Variants in RPS6KA5 observed in about 807,000 individuals in gnomAD.
RPS6KA5 encodes ribosomal protein S6 kinase alpha-5.
In RPS6KA5, 27 loss-of-function variants were observed where a neutral mutation model predicts 85.5. The ratio of observed to expected loss-of-function variants is 0.32; its 90% confidence interval spans 0.23 to 0.44. The LOEUF is 0.44. Ranked by LOEUF, RPS6KA5 falls within the 20% of genes least tolerant of loss-of-function variation. The pLI is 1.00. For synonymous variants in RPS6KA5, 334 were observed against 348.2 expected, an observed-to-expected ratio of 0.96 and a Z score of 0.46; for missense variants, 811 against 980.9, an observed-to-expected ratio of 0.83 and a Z score of 2.31.
At chr14:90,932,386 T>C (rs2037031847) in intron 5 of RPS6KA5, among the ~76,000 whole-genome samples, 1 of 152,112 alleles carries the variant, frequency 6.6e-6, no homozygotes. Context: ...GTGATCCTCC[T>C]ACCTCGGCCT....
At position 90,865,545 on chromosome 14, in the gene RPS6KA5, T is replaced by C. The variant is rs1046544877; in HGVS notation, c.*6529A>G. On this transcript the variant is annotated 3_prime_UTR_variant, in exon 17 of 17. Transcript: ENST00000614987. ...TGATGGTTATATGGGCGCATATATA[T>C]GTAAACATTTATTGAGCTGTATATT... 8.5e-5 allele frequency: 13 copies of C among 152,258 alleles called. No individual in the cohort carries two copies. Among genetic ancestry groups the C allele is most frequent in the Admixed American group, 5.2e-4 (8 of 15,290 alleles). The allele number at this position is 152,258 out of a possible 1,614,324, so 9.4% of individuals were successfully genotyped here.
At chr14:90,992,618 A>C (rs1282956856) in intron 2 of RPS6KA5, among the ~76,000 whole-genome samples, 4 of 152,194 alleles carry the variant, frequency 2.6e-5, no homozygotes, top group African/African-American at 9.6e-5. Flanking sequence ...TCAAGGTTAC[A>C]CTGGACTCAT....
At position 90,860,187 on chromosome 14, in the gene RPS6KA5, A is replaced by T. The variant is rs189547864; in HGVS notation, c.*11887T>A. 5.3e-5 allele frequency: 8 copies of T among 152,364 alleles called. No individual in the cohort carries two copies. The East Asian group carries it at 1.5e-3, about 29-fold the overall frequency. The allele number at this position is 152,364 out of a possible 1,614,324, so 9.4% of individuals were successfully genotyped here. A position where few individuals can be genotyped will look rare whatever the true frequency, so the allele number is the denominator to read the frequency against. On this transcript the variant is annotated 3_prime_UTR_variant, in exon 17 of 17. Coordinates refer to ENST00000614987, the MANE Select transcript of RPS6KA5 (RefSeq NM_004755.4). Reference sequence around the variant, plus strand: ...AAGACACATTACCTTCAAAGGAAATATAACTAATGGCTTTTTCCACAGAAC... The same window carrying T: ...AAGACACATTACCTTCAAAGGAAATTTAACTAATGGCTTTTTCCACAGAAC...
intron 13 of RPS6KA5, among the ~76,000 whole-genome samples, chr14:90,892,013 TTGA>T (rs923810387): frequency 2.0e-5 from 3 of 151,580 alleles, no homozygotes; most frequent in African/African-American, 7.3e-5. Context: ...TTTTTTTTTT[TTGA>T]GAGAGACAGT....
intron 14 of RPS6KA5, among the ~76,000 whole-genome samples, chr14:90,876,213 G>C (rs2033462185): frequency 6.6e-6 from 1 of 152,146 alleles, no homozygotes; most frequent in Non-Finnish European, 1.5e-5. Flanking sequence ...GCTTCAAAAA[G>C]ATGGTATTGA....
chr14:91,056,342 G>A (rs954792204), intron 1 of RPS6KA5, among the ~76,000 whole-genome samples: 1 of 152,118 alleles, frequency 6.6e-6, no homozygotes, highest in Non-Finnish European at 1.5e-5. Flanking sequence ...CTGGCTTTAG[G>A]TGAATGATCC....
rs2032226096 is a variant in RPS6KA5 at position 90,855,440 on chromosome 14, T to TA, written c.*16633dup. 6.6e-6 allele frequency: 1 copy of TA among 151,758 alleles called. No individual in the cohort carries two copies. Among genetic ancestry groups the TA allele is most frequent in the African/African-American group, 2.4e-5 (1 of 41,118 alleles). 9.4% of individuals were successfully genotyped at this position (151,758 alleles called of 1,614,324 possible). On this transcript the variant is annotated 3_prime_UTR_variant, in exon 17 of 17. Transcript: ENST00000614987. ...AAGGCCTGGTACTTACATTATTTTTTATTTTTTATTTTTTTGAGACGGAGT... is the reference window on the plus strand; with the variant it reads ...AAGGCCTGGTACTTACATTATTTTTTAATTTTTTATTTTTTTGAGACGGAGT...
intron 3 of RPS6KA5, among the ~76,000 whole-genome samples, chr14:90,958,288 T>C (rs928482503): frequency 2.6e-5 from 4 of 152,242 alleles, no homozygotes; most frequent in Non-Finnish European, 5.9e-5. Context: ...TTTGCATCCA[T>C]AGTTCAACTT....
At chr14:90,899,170 G>A (rs1381218080) in intron 12 of RPS6KA5, among the ~76,000 whole-genome samples, 159 bp downstream of exon 12, 1 of 152,066 alleles carries the variant, frequency 6.6e-6, no homozygotes, top group Non-Finnish European at 1.5e-5. Context: ...GTGTGGTTGG[G>A]GAGGGGTTTG....
chr14:90,961,105 C>T (rs867548520), intron 3 of RPS6KA5, among the ~76,000 whole-genome samples: 1 of 152,160 alleles, frequency 6.6e-6, no homozygotes, highest in South Asian at 2.1e-4. Flanking sequence ...CTGAACACAG[C>T]CCACTGCTTC....
intron 15 of RPS6KA5, among the ~76,000 whole-genome samples, chr14:90,874,438 A>G (rs1693063234): frequency 6.6e-6 from 1 of 152,214 alleles, no homozygotes; most frequent in Non-Finnish European, 1.5e-5. Context: ...CTGAAAGCTC[A>G]GCATATCTGA....
intron 14 of RPS6KA5, among the ~76,000 whole-genome samples, chr14:90,884,420 G>A (rs994184570): frequency 6.6e-6 from 1 of 152,204 alleles, no homozygotes; most frequent in African/African-American, 2.4e-5. Flanking sequence ...TGCTCAACCA[G>A]TATGTATTCT....
At chr14:91,030,014 A>G (rs2042122856) in intron 1 of RPS6KA5, among the ~76,000 whole-genome samples, 1 of 152,216 alleles carries the variant, frequency 6.6e-6, no homozygotes, top group Non-Finnish European at 1.5e-5. Flanking sequence ...TAAATGACTC[A>G]GCAGAATGGG....
chr14:91,000,360 T>C (rs896529478), intron 2 of RPS6KA5, among the ~76,000 whole-genome samples: 3 of 152,160 alleles, frequency 2.0e-5, no homozygotes, highest in African/African-American at 7.2e-5. Flanking sequence ...TTCTAAACAG[T>C]CCTGGGTTTT....
intron 1 of RPS6KA5, among the ~76,000 whole-genome samples, chr14:91,010,266 C>T (rs528896387): frequency 3.9e-5 from 6 of 152,186 alleles, no homozygotes; most frequent in Admixed American, 1.3e-4. Flanking sequence ...CCTTGACATA[C>T]CATGACATGA....
chr14:91,013,349 C>G (rs1039666442), intron 1 of RPS6KA5, among the ~76,000 whole-genome samples: 8 of 152,078 alleles, frequency 5.3e-5, no homozygotes, highest in African/African-American at 1.9e-4. Flanking sequence ...TGACCAAGTC[C>G]AAGGAACAAG....
At chr14:90,956,124 T>C (rs2038493457) in intron 3 of RPS6KA5, among the ~76,000 whole-genome samples, 1 of 152,216 alleles carries the variant, frequency 6.6e-6, no homozygotes, top group African/African-American at 2.4e-5. Context: ...ATAAGTTACA[T>C]GCAAATATTA....
At chr14:91,058,238 G>T (rs1022603616) in intron 1 of RPS6KA5, among the ~76,000 whole-genome samples, 2 of 152,144 alleles carry the variant, frequency 1.3e-5, no homozygotes. Flanking sequence ...ATGATTGTTC[G>T]TTTCCTTTGA....
chr14:90,918,005 C>T (rs919926248), intron 7 of RPS6KA5, among the ~76,000 whole-genome samples: 1 of 152,132 alleles, frequency 6.6e-6, no homozygotes, highest in African/African-American at 2.4e-5. Flanking sequence ...CATTCATGTA[C>T]AAGTTTTTAT....
Sources: gnomAD v4.1 joint callset for allele counts (sites outside exome capture counted in the v4.1 genomes callset) on GRCh38, gnomAD v4.1.1 for gene constraint, MANE v1.5 for transcripts, NCBI Gene and HGNC (gene_info 2026-07-23, HGNC 2026-07-21) for gene names.